Variants in ANKRD30A observed in about 807,000 individuals in gnomAD.
The protein encoded by ANKRD30A is ankyrin repeat domain 30A.
Under a neutral mutation model 166.3 loss-of-function variants are expected in ANKRD30A, and 170 were observed. That is an observed-to-expected ratio of 1.02 (90% CI 0.90 to 1.16). The LOEUF (loss-of-function observed/expected upper bound fraction) is 1.16. ANKRD30A is among the 50% of genes most tolerant of loss of function. The probability of loss-of-function intolerance (pLI) is 0.00; values close to 1 mark genes in which losing one functional copy is unlikely to be tolerated. For missense variants in ANKRD30A, 1,630 were observed against 1,518.0 expected (o/e 1.07, Z -1.23); for synonymous variants, 564 against 508.9 (o/e 1.11, Z -1.46).
At chr10:37,134,228 G>T (rs1379413281) in intron 5 of ANKRD30A, among the ~76,000 whole-genome samples, 175 bp downstream of exon 5, 3 of 152,162 alleles carry the variant, frequency 2.0e-5, no homozygotes, top group Admixed American at 6.5e-5. Flanking sequence ...TATCCCTAGG[G>T]ATCCTAATGT....
chr10:37,150,532 T>C (rs1202126777), intron 11 of ANKRD30A, among the ~76,000 whole-genome samples: 1 of 152,120 alleles, frequency 6.6e-6, no homozygotes, highest in Non-Finnish European at 1.5e-5. Context: ...TGTTTAAACA[T>C]TTTACAACAT....
chr10:37,140,482 C>T (rs139492344), intron 6 of ANKRD30A, among the ~76,000 whole-genome samples: 3,051 of 152,222 alleles, frequency 0.02, 89 homozygotes, highest in African/African-American at 0.069. Flanking sequence ...TGTTGAGAAG[C>T]GCAGGTTATG....
At chr10:37,247,435 CT>C in the ANKRD30A span, among the ~76,000 whole-genome samples, 1 of 151,928 alleles carries the variant, frequency 6.6e-6, no homozygotes, top group African/African-American at 2.4e-5. Flanking sequence ...ATTTTATTTT[CT>C]TTTTTTGGAG....
At chr10:37,238,655 G>T in the ANKRD30A span, among the ~76,000 whole-genome samples, 1 of 152,110 alleles carries the variant, frequency 6.6e-6, no homozygotes, top group Non-Finnish European at 1.5e-5. Flanking sequence ...AGGCTATAAA[G>T]AAGTAATGTA....
intron 34 of ANKRD30A, 49 bp from the exon 35 acceptor site, chr10:37,231,412 T>C: frequency 1.3e-6 from 2 of 1,511,528 alleles, no homozygotes; most frequent in South Asian, 1.2e-5. Flanking sequence ...TTTCTAATTA[T>C]GTAGGAAAAA....
chr10:37,264,901 A>C, the ANKRD30A span, among the ~76,000 whole-genome samples: 3 of 152,168 alleles, frequency 2.0e-5, no homozygotes, highest in African/African-American at 7.2e-5. Context: ...GCATGTCCAC[A>C]TTTTCATAAT....
intron 6 of ANKRD30A, 124 bp downstream of exon 6, chr10:37,136,795 G>T: frequency 2.4e-6 from 1 of 417,644 alleles, no homozygotes. Flanking sequence ...ATACATATAT[G>T]TGGGTGTGGG....
intron 24 of ANKRD30A, among the ~76,000 whole-genome samples, chr10:37,179,013 A>T (rs1458464531): frequency 8.6e-6 from 1 of 116,830 alleles, no homozygotes; most frequent in Non-Finnish European, 1.8e-5. Flanking sequence ...TGAGGCGTCA[A>T]ATATATATAT....
chr10:37,196,093 A>ATTTTT (rs749036981), intron 27 of ANKRD30A, among the ~76,000 whole-genome samples: 174 of 129,338 alleles, frequency 1.3e-3, no homozygotes, highest in Middle Eastern at 8.7e-3. Flanking sequence ...TATATTTTCT[A>ATTTTT]TTTTTTTTTT....
the ANKRD30A span, chr10:37,248,079 G>T: frequency 2.1e-6 from 1 of 472,982 alleles, no homozygotes; most frequent in Non-Finnish European, 4.2e-6. Context: ...CATGTGAATT[G>T]GAAGGGCCAC....
chr10:37,215,658 C>T (rs1406119769), intron 31 of ANKRD30A, among the ~76,000 whole-genome samples: 3 of 151,324 alleles, frequency 2.0e-5, no homozygotes, highest in African/African-American at 2.4e-5. Context: ...ATCTTCTTTG[C>T]CTAATGTCCA....
At chr10:37,251,770 C>G in the ANKRD30A span, among the ~76,000 whole-genome samples, 1 of 152,216 alleles carries the variant, frequency 6.6e-6, no homozygotes, top group East Asian at 1.9e-4. Context: ...AAGAATTTCA[C>G]TTTGCTTATT....
At chr10:37,171,656 T>C (rs1204880905) in intron 21 of ANKRD30A, among the ~76,000 whole-genome samples, 4 of 151,500 alleles carry the variant, frequency 2.6e-5, no homozygotes, top group Non-Finnish European at 5.9e-5. Context: ...CTCTTGTATA[T>C]GAAATAATGT....
Position 37,197,303 on chromosome 10 carries a change from C to A in ANKRD30A, c.2637C>A (p.Ala879=), listed in dbSNP as rs375482472. The change falls in exon 28 of 36, where the codon GCC becomes GCA. Residue 879 remains alanine (A), a synonymous_variant. Coordinates refer to ENST00000361713, the MANE Select transcript of ANKRD30A (RefSeq NM_052997.3). Reference sequence around the variant, plus strand: ...TAGAGCCTCCCGAGAAGCCATCTGCCTTCGAGGTATTTAGTTTTATGATTT... The same window carrying A: ...TAGAGCCTCCCGAGAAGCCATCTGCATTCGAGGTATTTAGTTTTATGATTT... ...FKAEPPEKPS[A]FEPAIEMQKS... is the part of the protein sequence containing the mutation. The A allele has an allele frequency of 1.9e-6, 3 of 1,613,104 alleles. No individual in the cohort carries two copies. The highest frequency in any genetic ancestry group is 1.3e-5 in the African/African-American group (1 of 74,858).
intron 31 of ANKRD30A, 113 bp from the exon 32 acceptor site, chr10:37,216,068 G>A (rs532167680): frequency 5.0e-5 from 32 of 634,202 alleles, no homozygotes; most frequent in Middle Eastern, 4.9e-4. Flanking sequence ...TGCCTTCCAC[G>A]TGGTAGGCAA....
In ANKRD30A at chr10:37,149,794, A is replaced by G. The variant is rs763255844; in HGVS notation, c.1590A>G (p.Gln530=). Residue 530 remains glutamine, a synonymous_variant, in exon 11 of 36, where the codon CAA becomes CAG. Coordinates refer to ENST00000361713, the MANE Select transcript of ANKRD30A (RefSeq NM_052997.3). Reference sequence around the variant, plus strand: ...CCATTTAGCCTGCCATTGAAATGCAAAACTCTGTTCCAAATAAAGCCTTTG... The same window carrying G: ...CCATTTAGCCTGCCATTGAAATGCAGAACTCTGTTCCAAATAAAGCCTTTG... ...PSAFKPAIEM[Q]NSVPNKAFEL... is the part of the protein sequence containing the mutation. 3 of 1,612,984 alleles carry G rather than the reference A, an allele frequency of 1.9e-6. No individual in the cohort carries two copies. In the Admixed American group the frequency reaches 5.0e-5, roughly 27 times the overall value.
At position 37,201,311 on chromosome 10, in the gene ANKRD30A, G is replaced by T; in HGVS notation, c.2855G>T (p.Ser952Ile). 11 of 1,585,440 alleles carry T rather than the reference G, an allele frequency of 6.9e-6. No individual in the cohort carries two copies. The highest frequency in any genetic ancestry group is 9.4e-6 in the Non-Finnish European group (11 of 1,168,216). Residue 952 changes from serine (S) to isoleucine (I), a missense_variant, in exon 31 of 36, where the codon AGT becomes ATT. This residue lies in a region of ANKRD30A where 712 missense variants were observed against 629.3 expected (regional missense o/e 1.13). Transcript: ENST00000361713. ...CATCAAAAAGAAATGGATAAAATAA[G>T]TGGAAAATTAGAAGGTAAGAACCAT... is the stretch of plus-strand genomic sequence containing the variant. ...ATHQKEMDKI[S>I]GKLEDSTSLS... is the part of the protein sequence containing the mutation.
chr10:37,213,459 C>T (rs920077676), intron 31 of ANKRD30A, among the ~76,000 whole-genome samples: 3 of 151,706 alleles, frequency 2.0e-5, no homozygotes, highest in African/African-American at 7.3e-5. Flanking sequence ...TTGATTTTAG[C>T]ATACGAAAAT....
chr10:37,226,680 A>G (rs1015786152), intron 34 of ANKRD30A, among the ~76,000 whole-genome samples: 8 of 151,814 alleles, frequency 5.3e-5, no homozygotes, highest in African/African-American at 9.7e-5. Flanking sequence ...TTGTGTTTGC[A>G]TATGTTTTCA....
Sources: allele counts gnomAD v4.1 joint callset (sites outside exome capture counted in the v4.1 genomes callset), GRCh38; gene constraint gnomAD v4.1.1; regional missense constraint gnomAD v4.1.1; transcripts MANE v1.5; gene names NCBI Gene and HGNC (gene_info 2026-07-23, HGNC 2026-07-21).